Variants in DISC1 observed in about 807,000 individuals in gnomAD.
The protein encoded by DISC1 is disrupted in schizophrenia 1 protein.
Under a neutral mutation model 84.5 loss-of-function variants are expected in DISC1, and 57 were observed. That is an observed-to-expected ratio of 0.67 (90% CI 0.55 to 0.84). The LOEUF (loss-of-function observed/expected upper bound fraction) is 0.84, where lower values mean the gene tolerates loss of function less well. Among genes scored for constraint, DISC1 ranks in the 40% least tolerant of loss-of-function variants. DISC1 has a pLI of 0.00. For synonymous variants in DISC1, 411 were observed against 415.2 expected, an observed-to-expected ratio of 0.99 and a Z score of 0.12; for missense variants, 1,000 against 1,057.8, an observed-to-expected ratio of 0.95 and a Z score of 0.76.
intron 9 of DISC1, among the ~76,000 whole-genome samples, chr1:231,853,457 C>T (rs1174264955): frequency 6.6e-6 from 1 of 152,182 alleles, no homozygotes; most frequent in Admixed American, 6.5e-5. Context: ...GCAATTGTCA[C>T]ACTGTAAGTA....
intron 3 of DISC1, among the ~76,000 whole-genome samples, chr1:231,738,665 T>C (rs1183391177): frequency 6.6e-6 from 1 of 152,176 alleles, no homozygotes; most frequent in Non-Finnish European, 1.5e-5. Flanking sequence ...ATGTTTCCTT[T>C]GATATCTAAA....
chr1:232,025,179 A>G lies in DISC1; in HGVS notation c.2308-1256A>G, dbSNP rs149859260. Among the ~76,000 whole-genome samples, 676 of 152,312 alleles carry G rather than the reference A, an allele frequency of 4.4e-3. 2 individuals are homozygous for G. The highest frequency in any genetic ancestry group is 0.015 in the African/African-American group (618 of 41,568). On this transcript the variant is annotated intron_variant, in intron 11 of 12. Coordinates refer to ENST00000439617, the MANE Select transcript of DISC1 (RefSeq NM_018662.3). Reference sequence around the variant, plus strand: ...AACTTATCAGAATGGTTGCACTACAAGGTGAAATTATTATTTGGGGCCTTT... The same window carrying G: ...AACTTATCAGAATGGTTGCACTACAGGGTGAAATTATTATTTGGGGCCTTT...
chr1:231,658,926 G>A lies in DISC1; in HGVS notation c.67+31992G>A, dbSNP rs538834393. Among the ~76,000 whole-genome samples the A allele has an allele frequency of 2.6e-4, 39 of 152,096 alleles. No individual in the cohort carries two copies. The South Asian group carries it at 2.9e-3, about 11-fold the overall frequency. On this transcript the variant is annotated intron_variant, in intron 1 of 12. Coordinates refer to ENST00000439617, the MANE Select transcript of DISC1 (RefSeq NM_018662.3). ...TGCATTGATGTTCATTAAGGATATC[G>A]GCCTGAGGTTTTCTTTTTTTTTGTT... is the stretch of plus-strand genomic sequence containing the variant.
At chr1:231,785,301 A>G (rs1486991951) in intron 6 of DISC1, among the ~76,000 whole-genome samples, 3 of 150,806 alleles carry the variant, frequency 2.0e-5, no homozygotes, top group African/African-American at 7.3e-5. Context: ...TTATTTAGAG[A>G]CAAAGTCTTG....
intron 3 of DISC1, among the ~76,000 whole-genome samples, chr1:231,717,357 A>T (rs184861977): frequency 1.3e-5 from 2 of 152,242 alleles, no homozygotes; most frequent in East Asian, 3.9e-4. Flanking sequence ...TATAGGAGGG[A>T]TTGGTCTTTT....
Position 232,009,192 on chromosome 1 carries a change from A to G in DISC1, c.2307+143A>G. The G allele has an allele frequency of 6.9e-7, 1 of 1,445,302 alleles. No homozygotes were observed. The highest frequency in any genetic ancestry group is 2.7e-5 in the Admixed American group (1 of 37,524). 89.5% of individuals were successfully genotyped at this position (1,445,302 alleles called of 1,614,324 possible). A position where few individuals can be genotyped will look rare whatever the true frequency, so the allele number is the denominator to read the frequency against. On this transcript the variant is annotated intron_variant, in intron 11 of 12. Coordinates refer to ENST00000439617, the MANE Select transcript of DISC1 (RefSeq NM_018662.3). The surrounding 1 kb of genome is among the most constrained non-coding windows in gnomAD (Gnocchi z 4.6). ...TTAAAAGTTTCAATAACTCTTGAATATGATTACAAAATAAAGTAGAATTTT... is the reference window on the plus strand; with the variant it reads ...TTAAAAGTTTCAATAACTCTTGAATGTGATTACAAAATAAAGTAGAATTTT...
rs530497602 is a variant in DISC1, at chr1:231,942,236, G to T, written c.1982-16592G>T. On this transcript the variant is annotated intron_variant, in intron 9 of 12. Coordinates refer to ENST00000439617, the MANE Select transcript of DISC1 (RefSeq NM_018662.3). ...GGAAGAAGGACAAGTATAAAAAGGT[G>T]CAGGGGAGGTGTAGGCTCCTCCCCT... Among the ~76,000 whole-genome samples the T allele has an allele frequency of 2.0e-5, 3 of 152,354 alleles. No individual in the cohort carries two copies. The East Asian group carries it at 5.8e-4, about 29-fold the overall frequency.
At chr1:231,945,602 T>C (rs1572242563) in intron 9 of DISC1, among the ~76,000 whole-genome samples, 1 of 151,894 alleles carries the variant, frequency 6.6e-6, no homozygotes, top group Non-Finnish European at 1.5e-5. Context: ...AGACAAGAAA[T>C]AACTAAGATG....
At chr1:231,974,124 C>T (rs1189164056) in intron 10 of DISC1, among the ~76,000 whole-genome samples, 1 of 152,250 alleles carries the variant, frequency 6.6e-6, no homozygotes, top group East Asian at 1.9e-4. Flanking sequence ...TGAGTCAAAG[C>T]AGCAGGAGAG....
At chr1:231,876,173 T>A (rs1460326029) in intron 9 of DISC1, among the ~76,000 whole-genome samples, 1 of 152,136 alleles carries the variant, frequency 6.6e-6, no homozygotes, top group East Asian at 1.9e-4. Context: ...TGAGGGTGGA[T>A]CCTTCATGAA....
chr1:231,701,343 G>T (rs1019075254), intron 2 of DISC1, among the ~76,000 whole-genome samples: 1 of 152,208 alleles, frequency 6.6e-6, no homozygotes, highest in Non-Finnish European at 1.5e-5. Context: ...TGGGGACACA[G>T]CCAAACCATA....
At chr1:231,846,109 G>C (rs530977858) in intron 9 of DISC1, among the ~76,000 whole-genome samples, 1 of 152,326 alleles carries the variant, frequency 6.6e-6, no homozygotes, top group South Asian at 2.1e-4. Flanking sequence ...CGTTAGGGAC[G>C]TGGGAGGACA....
rs1053564882 is a variant in DISC1 at position 231,897,499 on chromosome 1, A to T, written c.1982-61329A>T. Among the ~76,000 whole-genome samples the T allele has an allele frequency of 6.6e-6, 1 of 152,064 alleles. No individual in the cohort carries two copies. Among genetic ancestry groups the T allele is most frequent in the Non-Finnish European group, 1.5e-5 (1 of 68,004 alleles). On this transcript the variant is annotated intron_variant, in intron 9 of 12. Transcript: ENST00000439617. This position sits in a 1 kb window ranked among gnomAD's most constrained non-coding sequence, Gnocchi z 4.5. ...TATTTCTTTCACACATACAGCGCAG[A>T]CTAAATCGTCTTTTTCTTTATCTTT...
chr1:231,874,735 C>T lies in DISC1; in HGVS notation c.1981+56218C>T, dbSNP rs575372565. Among the ~76,000 whole-genome samples, 11 of 151,706 alleles carry T rather than the reference C, an allele frequency of 7.3e-5. 2 individuals are homozygous for T. The highest frequency in any genetic ancestry group is 2.7e-4 in the African/African-American group (11 of 41,420). ...GACCATCCTGGTTAACATGGTGAAA[C>T]CCCGTATCTACCAAAAATACAAAAA... On this transcript the variant is annotated intron_variant, in intron 9 of 12. Coordinates refer to ENST00000439617, the MANE Select transcript of DISC1 (RefSeq NM_018662.3).
chr1:231,696,099 T>C (rs1238555753), intron 2 of DISC1, among the ~76,000 whole-genome samples: 1 of 152,162 alleles, frequency 6.6e-6, no homozygotes, highest in Non-Finnish European at 1.5e-5. Context: ...TCCAGTTTCT[T>C]AGGCCAGAAA....
chr1:231,692,185 C>T (rs77350366), intron 1 of DISC1, among the ~76,000 whole-genome samples: 10 of 152,184 alleles, frequency 6.6e-5, no homozygotes, highest in East Asian at 5.8e-4. Flanking sequence ...GGAATAGTAC[C>T]GATCTCCTAG....
At chr1:231,712,021 A>T (rs72758626) in intron 3 of DISC1, among the ~76,000 whole-genome samples, 13,987 of 152,230 alleles carry the variant, frequency 0.092, 846 homozygotes, top group Non-Finnish European at 0.13. Context: ...ACATCAGATC[A>T]TGTCTGAGAG....
intron 8 of DISC1, 37 bp downstream of exon 8, chr1:231,800,247 C>G (rs1344430945): frequency 8.0e-6 from 12 of 1,491,082 alleles, no homozygotes; most frequent in Non-Finnish European, 1.0e-5. Context: ...AGCTATCCAA[C>G]TAAAATAATG....
chr1:232,008,782 C>A lies in DISC1; in HGVS notation c.2043-3C>A. The A allele has an allele frequency of 6.5e-7, 1 of 1,548,606 alleles. No homozygotes were observed. The highest frequency in any genetic ancestry group is 8.7e-7 in the Non-Finnish European group (1 of 1,148,180). On this transcript the variant is annotated splice_polypyrimidine_tract_variant and splice_region_variant and intron_variant, in intron 10 of 12. Coordinates refer to ENST00000439617, the MANE Select transcript of DISC1 (RefSeq NM_018662.3). ...TTATGCCTTTGTTTCCTCTCTGTCTCAGCTGCAAGTGTCCACTGCTTGGGA... is the reference window on the plus strand; with the variant it reads ...TTATGCCTTTGTTTCCTCTCTGTCTAAGCTGCAAGTGTCCACTGCTTGGGA...
Sources: allele counts gnomAD v4.1 joint callset (sites outside exome capture counted in the v4.1 genomes callset), GRCh38; gene constraint gnomAD v4.1.1; non-coding constraint Gnocchi (gnomAD v3.1); transcripts MANE v1.5; gene names NCBI Gene and HGNC (gene_info 2026-07-23, HGNC 2026-07-21).